Variants in MACROD1 observed in about 807,000 individuals in gnomAD.
The protein encoded by MACROD1 is mono-ADP ribosylhydrolase 1, also known as ADP-ribose glycohydrolase MACROD1.
Under a neutral mutation model 41.4 loss-of-function variants are expected in MACROD1, and 31 were observed. That is an observed-to-expected ratio of 0.75 (90% CI 0.56 to 1.01). The LOEUF (loss-of-function observed/expected upper bound fraction) is 1.01. MACROD1 is among the 50% of genes least tolerant of loss of function. MACROD1 has a pLI of 0.00. For missense variants in MACROD1, 473 were observed against 460.0 expected (o/e 1.03, Z -0.26); for synonymous variants, 252 against 203.4 (o/e 1.24, Z -2.03).
chr11:64,049,920 C>T (rs905017336), intron 3 of MACROD1, among the ~76,000 whole-genome samples: 2 of 152,138 alleles, frequency 1.3e-5, no homozygotes, highest in African/African-American at 2.4e-5. Flanking sequence ...GCTGTGGCCC[C>T]GGGGGGGAGG....
intron 3 of MACROD1, among the ~76,000 whole-genome samples, chr11:64,108,177 G>A (rs1275265728): frequency 6.6e-6 from 1 of 152,088 alleles, no homozygotes; most frequent in Non-Finnish European, 1.5e-5. Context: ...GTGGGGCGTG[G>A]TGGTGCATGC....
At chr11:64,115,655 G>A (rs556050379) in intron 3 of MACROD1, among the ~76,000 whole-genome samples, 1 of 152,234 alleles carries the variant, frequency 6.6e-6, no homozygotes, top group East Asian at 1.9e-4. Context: ...CGTTCCCGCA[G>A]GTTCTGGCGA....
At chr11:64,022,867 A>ATTTTTTTT (rs922794608) in intron 3 of MACROD1, among the ~76,000 whole-genome samples, 1 of 90,772 alleles carries the variant, frequency 1.1e-5, no homozygotes, top group Non-Finnish European at 2.1e-5. Flanking sequence ...TTCCACATGG[A>ATTTTTTTT]TTTTTTTTTT....
At chr11:64,137,975 C>T (rs1436484702) in intron 3 of MACROD1, among the ~76,000 whole-genome samples, 1 of 152,158 alleles carries the variant, frequency 6.6e-6, no homozygotes, top group Non-Finnish European at 1.5e-5. Context: ...ACTCATATGC[C>T]CATTTCCTTG....
At chr11:64,025,854 G>C (rs1943217765) in intron 3 of MACROD1, among the ~76,000 whole-genome samples, 1 of 151,900 alleles carries the variant, frequency 6.6e-6, no homozygotes, top group Admixed American at 6.6e-5. Context: ...CAAGTAGCTA[G>C]GACTACAGGC....
In MACROD1 at chr11:63,999,546, G is replaced by A. The variant is rs1378629007; in HGVS notation, c.801C>T (p.Ile267=). The A allele has an allele frequency of 1.9e-6, 3 of 1,609,920 alleles. No individual in the cohort carries two copies. The highest frequency in any genetic ancestry group is 3.4e-5 in the Admixed American group (2 of 59,590). Residue 267 remains isoleucine, a synonymous_variant, in exon 7 of 11, where the codon ATC becomes ATT. Coordinates refer to ENST00000255681, the MANE Select transcript of MACROD1 (RefSeq NM_014067.4). The stretch of plus-strand genomic sequence containing the variant: ...CAGACTCACCAAACACGCCGGTGGA[G>A]ATGCAGGGGAACGCCTGGGCGGGGA... ...HRLRSVAFPC[I]STGVFGYPCE...
At chr11:64,070,527 C>T (rs55966765) in intron 3 of MACROD1, among the ~76,000 whole-genome samples, 2,923 of 152,230 alleles carry the variant, frequency 0.019, 41 homozygotes, top group Non-Finnish European at 0.031. Flanking sequence ...GAAGGCTGCC[C>T]GAGAGCAGAG....
At chr11:64,018,200 C>A (rs1017452571) in intron 3 of MACROD1, among the ~76,000 whole-genome samples, 1 of 152,128 alleles carries the variant, frequency 6.6e-6, no homozygotes, top group African/African-American at 2.4e-5. Context: ...GGACCTGGTC[C>A]CAGGCCACCC....
intron 1 of MACROD1, among the ~76,000 whole-genome samples, chr11:64,154,673 C>T (rs1335889860): frequency 6.6e-6 from 1 of 152,216 alleles, no homozygotes; most frequent in Non-Finnish European, 1.5e-5. Context: ...GCCCTTTGTA[C>T]CTGCTGTGCT....
intron 3 of MACROD1, chr11:64,149,075 A>G (rs2134697814): frequency 1.0e-6 from 1 of 962,668 alleles, no homozygotes; most frequent in Non-Finnish European, 1.2e-6. Context: ...CAAGAGGTGT[A>G]TGGGTAAACT....
rs1943065211 is a variant in MACROD1, at chr11:64,015,284, G to GC, written c.518-4dup. ...GCCTCCGAGCAGGGAGCTGTTGGCT[G>GC]CAAGAGAGAGAGACAAAGGCAGATC... On this transcript the variant is annotated splice_polypyrimidine_tract_variant and splice_region_variant and intron_variant, in intron 3 of 10. Transcript: ENST00000255681. The GC allele has an allele frequency of 1.2e-6, 2 of 1,606,042 alleles. No homozygotes were observed. The highest frequency in any genetic ancestry group is 2.7e-5 in the African/African-American group (2 of 74,788).
intron 3 of MACROD1, among the ~76,000 whole-genome samples, chr11:64,065,324 C>T (rs1943979186): frequency 6.6e-6 from 1 of 152,192 alleles, no homozygotes; most frequent in South Asian, 2.1e-4. Context: ...TGCAGGAGGC[C>T]AGGCTTTGTT....
At chr11:64,063,610 A>G (rs962344909) in intron 3 of MACROD1, among the ~76,000 whole-genome samples, 1 of 152,172 alleles carries the variant, frequency 6.6e-6, no homozygotes, top group African/African-American at 2.4e-5. Context: ...AAGCTCACGT[A>G]GGAATGAAAC....
In MACROD1 at chr11:64,042,008, A is replaced by G. The variant is rs75107399; in HGVS notation, c.518-26727T>C. On this transcript the variant is annotated intron_variant, in intron 3 of 10. Transcript: ENST00000255681. The stretch of plus-strand genomic sequence containing the variant: ...TTCAGTGGGGGGCAGTTAGGGGCCC[A>G]CCCTTCCTTCTTCGCTCACTCACTC... Among the ~76,000 whole-genome samples, 43 of 151,894 alleles carry G rather than the reference A, an allele frequency of 2.8e-4. No homozygotes were observed. The East Asian group carries it at 8.2e-3, about 29-fold the overall frequency.
At chr11:64,136,476 A>G (rs1402969174) in intron 3 of MACROD1, among the ~76,000 whole-genome samples, 1 of 152,198 alleles carries the variant, frequency 6.6e-6, no homozygotes, top group African/African-American at 2.4e-5. Context: ...ATGCGTTGGC[A>G]GCTGCAAGGC....
At chr11:64,106,136 CAGCTGAGAT>C (rs1944758995) in intron 3 of MACROD1, among the ~76,000 whole-genome samples, 2 of 152,096 alleles carry the variant, frequency 1.3e-5, no homozygotes, top group Admixed American at 6.5e-5. Context: ...TCCCGCTGGG[CAGCTGAGAT>C]AGGCGGTAGG....
At chr11:64,112,475 C>T (rs1164531117) in intron 3 of MACROD1, among the ~76,000 whole-genome samples, 2 of 152,180 alleles carry the variant, frequency 1.3e-5, no homozygotes, top group African/African-American at 4.8e-5. Flanking sequence ...GATCGCTCCA[C>T]TGCACTCCCA....
At position 63,999,711 on chromosome 11, in the gene MACROD1, C is replaced by T. The variant is rs1267916692; in HGVS notation, c.717G>A (p.Gln239=). Residue 239 remains glutamine (Q), a synonymous_variant, in exon 6 of 11, where the codon CAG becomes CAA. Coordinates refer to ENST00000255681, the MANE Select transcript of MACROD1 (RefSeq NM_014067.4). ...PIAYGEPSAS[Q]AAELRSCYLS... ...GGTAGCAGCTGCGGAGCTCGGCAGC[C>T]TGACTGGCGCTGGGCTCCCCGTAGG... is the stretch of plus-strand genomic sequence containing the variant. 10 of 1,608,918 alleles carry T rather than the reference C, an allele frequency of 6.2e-6. No individual in the cohort carries two copies. The Middle Eastern group carries it at 6.0e-4, about 97-fold the overall frequency.
intron 4 of MACROD1, among the ~76,000 whole-genome samples, chr11:64,008,412 G>A (rs1434415845): frequency 3.9e-4 from 1 of 2,582 alleles, no homozygotes; most frequent in East Asian, 0.014. Context: ...AGGCGCCCAG[G>A]GTTAGGGTGC....
Sources: gnomAD v4.1 joint callset for allele counts (sites outside exome capture counted in the v4.1 genomes callset) on GRCh38, gnomAD v4.1.1 for gene constraint, MANE v1.5 for transcripts, NCBI Gene and HGNC (gene_info 2026-07-23, HGNC 2026-07-21) for gene names.